The following SLC7A6 variants were observed in gnomAD, a reference collection of about 807,000 sequenced individuals.
The protein encoded by SLC7A6 is solute carrier family 7 member 6.
A neutral mutation model predicts 46.6 loss-of-function variants in SLC7A6; 29 were observed. The observed-to-expected ratio is 0.62, with a 90% CI of 0.46 to 0.85. The LOEUF (loss-of-function observed/expected upper bound fraction) is 0.85, where lower values mean the gene tolerates loss of function less well. Among genes scored for constraint, SLC7A6 ranks in the 40% least tolerant of loss-of-function variants. The probability of loss-of-function intolerance (pLI) is 0.00; values close to 1 mark genes in which losing one functional copy is unlikely to be tolerated. For missense variants in SLC7A6, 527 were observed against 647.6 expected, an observed-to-expected ratio of 0.81 and a Z score of 2.02; for synonymous variants, 276 against 257.3, an observed-to-expected ratio of 1.07 and a Z score of -0.70.
chr16:68,293,551 A>G (rs1476312699), intron 7 of SLC7A6, among the ~76,000 whole-genome samples: 1 of 152,152 alleles, frequency 6.6e-6, no homozygotes, highest in East Asian at 1.9e-4. Context: ...CTGGTGTCAA[A>G]TCCCGTCAGG....
rs2043192845 is a variant in SLC7A6 at position 68,297,435 on chromosome 16, C to T, written c.*107C>T. On this transcript the variant is annotated 3_prime_UTR_variant, in exon 11 of 11. Coordinates refer to ENST00000219343, the MANE Select transcript of SLC7A6 (RefSeq NM_003983.6). Reference sequence around the variant, plus strand: ...CCTGAATTAAAGGAGCCTTTTGACCCAATCATATAGTGGGGCTCAGGGCCA... The same window carrying T: ...CCTGAATTAAAGGAGCCTTTTGACCTAATCATATAGTGGGGCTCAGGGCCA... 1.1e-6 allele frequency: 1 copy of T among 879,338 alleles called. No homozygotes were observed. The highest frequency in any genetic ancestry group is 1.6e-5 in the South Asian group (1 of 62,986). 54.5% of individuals were successfully genotyped at this position (879,338 alleles called of 1,614,324 possible).
At position 68,301,308 on chromosome 16, in the gene SLC7A6, G is replaced by C; in HGVS notation, c.*3980G>C. ...AATCCAGGTCGTGGGGGCTGTCATA[G>C]CCGAACTCCTTCTGCACATCCAGAG... On this transcript the variant is annotated 3_prime_UTR_variant, in exon 11 of 11. Transcript: ENST00000219343. The C allele has an allele frequency of 6.2e-7, 1 of 1,614,150 alleles. No homozygotes were observed.
chr16:68,291,154 T>C (rs2043041965), intron 5 of SLC7A6, 55 bp from the exon 6 acceptor site: 1 of 1,612,242 alleles, frequency 6.2e-7, no homozygotes, highest in Admixed American at 1.7e-5. Flanking sequence ...CTTGATAAAC[T>C]TTGTTCCCAA....
In SLC7A6 at chr16:68,299,433, T is replaced by C. The variant is rs2043230343; in HGVS notation, c.*2105T>C. 6.6e-6 allele frequency: 1 copy of C among 152,632 alleles called. No homozygotes were observed. The highest frequency in any genetic ancestry group is 1.5e-5 in the Non-Finnish European group (1 of 68,054). The allele number at this position is 152,632 out of a possible 1,614,324, so 9.5% of individuals were successfully genotyped here. A position where few individuals can be genotyped will look rare whatever the true frequency, so the allele number is the denominator to read the frequency against. On this transcript the variant is annotated 3_prime_UTR_variant, in exon 11 of 11. Transcript: ENST00000219343. Reference sequence around the variant, plus strand: ...GTGACAGCATTTTTCCCCTCTGTGCTGGATACAGACTTCTCCCAGGATCCT... The same window carrying C: ...GTGACAGCATTTTTCCCCTCTGTGCCGGATACAGACTTCTCCCAGGATCCT...
rs749421722 is a variant in SLC7A6 at position 68,275,221 on chromosome 16, C to T, written c.495C>T (p.Ala165=). The T allele has an allele frequency of 1.2e-6, 2 of 1,612,650 alleles. No individual in the cohort carries two copies. The highest frequency in any genetic ancestry group is 4.5e-5 in the East Asian group (2 of 44,832). ...CCAGCTGTGATCCCCCATACCTGGC[C>T]TGCCGTCTCCTGGCTGCTGCTTGCA... ...SFPSCDPPYL[A]CRLLAAACIC... The change falls in exon 3 of 11, where the codon GCC becomes GCT. Residue 165 remains alanine (A), a synonymous_variant. Coordinates refer to ENST00000219343, the MANE Select transcript of SLC7A6 (RefSeq NM_003983.6).
chr16:68,269,765 A>G (rs1271958957), intron 2 of SLC7A6, among the ~76,000 whole-genome samples: 1 of 151,840 alleles, frequency 6.6e-6, no homozygotes, highest in Non-Finnish European at 1.5e-5. Flanking sequence ...AAAAAAAAAA[A>G]AAGAAAGAAA....
At position 68,284,859 on chromosome 16, in the gene SLC7A6, C is replaced by CTTTTT. The variant is rs71384525; in HGVS notation, c.524-2873_524-2869dup. ...CTGTCTCTTCTGTGTATTTTCTCGT[C>CTTTTT]TTTTTTTTTTTTTTTTTTAGAGACA... On this transcript the variant is annotated intron_variant, in intron 3 of 10. Coordinates refer to ENST00000219343, the MANE Select transcript of SLC7A6 (RefSeq NM_003983.6). Among the ~76,000 whole-genome samples, 28 of 95,598 alleles carry CTTTTT rather than the reference C, an allele frequency of 2.9e-4. 2 individuals carry two copies. Among genetic ancestry groups the CTTTTT allele is most frequent in the African/African-American group, 1.1e-3 (23 of 21,704 alleles). 62.7% of individuals were successfully genotyped at this position (95,598 alleles called of 152,430 possible). A position where few individuals can be genotyped will look rare whatever the true frequency, so the allele number is the denominator to read the frequency against.
At chr16:68,271,809 CTT>C (rs555148108) in intron 2 of SLC7A6, among the ~76,000 whole-genome samples, 1 of 119,936 alleles carries the variant, frequency 8.3e-6, no homozygotes, top group Admixed American at 8.8e-5. Flanking sequence ...TTTTTCTTTT[CTT>C]TTTTTTTTTG....
In SLC7A6 at chr16:68,297,482, C is replaced by A; in HGVS notation, c.*154C>A. ...GCCAGTGCTCACTCTTATTGGTAAGCTATAGGAGACTCAGGATCTGGGCCA... is the reference window on the plus strand; with the variant it reads ...GCCAGTGCTCACTCTTATTGGTAAGATATAGGAGACTCAGGATCTGGGCCA... On this transcript the variant is annotated 3_prime_UTR_variant, in exon 11 of 11. Transcript: ENST00000219343. 2.0e-6 allele frequency: 1 copy of A among 505,914 alleles called. No individual in the cohort carries two copies. The highest frequency in any genetic ancestry group is 3.4e-6 in the Non-Finnish European group (1 of 298,042). 31.3% of individuals were successfully genotyped at this position (505,914 alleles called of 1,614,324 possible).
Position 68,274,983 on chromosome 16 carries a change from T to C in SLC7A6, c.257T>C (p.Ile86Thr), listed in dbSNP as rs1202077382. 3.1e-6 allele frequency: 5 copies of C among 1,614,050 alleles called. No individual in the cohort carries two copies. The highest frequency in any genetic ancestry group is 1.6e-4 in the Middle Eastern group (1 of 6,084). ...SYGMSLIVWA[I>T]GGLFSVVGAL... ...GGGATGTCACTGATTGTGTGGGCCA[T>C]TGGTGGGCTCTTCTCTGTTGTGGGT... Residue 86 changes from isoleucine (I) to threonine (T), a missense_variant, in exon 3 of 11, where the codon ATT becomes ACT. Ile to Thr is a moderately conservative substitution (Grantham distance 89, BLOSUM62 -1). Transcript: ENST00000219343.
intron 2 of SLC7A6, among the ~76,000 whole-genome samples, chr16:68,271,356 G>A (rs182272272): frequency 6.6e-6 from 1 of 152,314 alleles, no homozygotes; most frequent in African/African-American, 2.4e-5. Flanking sequence ...CCAGGCGGGA[G>A]TGCAATGGTG....
rs1340014770 is a variant in SLC7A6, at chr16:68,300,539, A to G, written c.*3211A>G. The G allele has an allele frequency of 3.5e-6, 3 of 866,066 alleles. No individual in the cohort carries two copies. Among genetic ancestry groups the G allele is most frequent in the Non-Finnish European group, 4.2e-6 (3 of 721,196 alleles). 53.6% of individuals were successfully genotyped at this position (866,066 alleles called of 1,614,324 possible). A position where few individuals can be genotyped will look rare whatever the true frequency, so the allele number is the denominator to read the frequency against. ...CTTAAGTCCTTGGTATTTATAATCA[A>G]TGCTGAACCTTCTATTTCACTACCG... On this transcript the variant is annotated 3_prime_UTR_variant, in exon 11 of 11. Transcript: ENST00000219343.
chr16:68,274,258 C>G (rs1397456720), intron 2 of SLC7A6, among the ~76,000 whole-genome samples: 1 of 152,150 alleles, frequency 6.6e-6, no homozygotes, highest in Non-Finnish European at 1.5e-5. Flanking sequence ...GCAGGATTAC[C>G]TGGGTATGGA....
rs933390746 is a variant in SLC7A6, at chr16:68,278,520, G to A, written c.523+3271G>A. Among the ~76,000 whole-genome samples, 6 of 149,886 alleles carry A rather than the reference G, an allele frequency of 4.0e-5. No homozygotes were observed. In the Admixed American group the frequency reaches 4.0e-4, roughly 10 times the overall value. ...TTAGGGAGTGGTGATGACTCTTAAC[G>A]AGCATGCTGCCTTCAAGCATCTGTT... On this transcript the variant is annotated intron_variant, in intron 3 of 10. Transcript: ENST00000219343.
In SLC7A6 at chr16:68,274,964, T is replaced by G. The variant is rs747370149; in HGVS notation, c.238T>G (p.Ser80Ala). Residue 80 changes from serine to alanine, a missense_variant, in exon 3 of 11, where the codon TCA (serine) becomes GCA (alanine). Physicochemically the swap from Ser to Ala is moderately conservative, Grantham distance 99 (BLOSUM62 1). Coordinates refer to ENST00000219343, the MANE Select transcript of SLC7A6 (RefSeq NM_003983.6). ...VLVHTASYGM[S>A]LIVWAIGGLF... ...GGTACACACTGCCTCCTATGGGATG[T>G]CACTGATTGTGTGGGCCATTGGTGG... The G allele has an allele frequency of 6.2e-7, 1 of 1,614,230 alleles. No individual in the cohort carries two copies. Among genetic ancestry groups the G allele is most frequent in the Admixed American group, 1.7e-5 (1 of 60,024 alleles).
chr16:68,294,996 A>G (rs777506212), intron 8 of SLC7A6, 195 bp downstream of exon 8: 6 of 489,470 alleles, frequency 1.2e-5, no homozygotes, highest in Non-Finnish European at 1.8e-5. Context: ...AATTTATATT[A>G]TAGCATAGTA....
chr16:68,301,454 A>C lies in SLC7A6; in HGVS notation c.*4126A>C. 2 of 1,560,332 alleles carry C rather than the reference A, an allele frequency of 1.3e-6. No individual in the cohort carries two copies. The highest frequency in any genetic ancestry group is 1.8e-6 in the Non-Finnish European group (2 of 1,138,762). Reference sequence around the variant, plus strand: ...ATTCTAAATGTGATTTTCCTAGGCTACTGCAGGAGCCCCTTCTCTTCTCAG... The same window carrying C: ...ATTCTAAATGTGATTTTCCTAGGCTCCTGCAGGAGCCCCTTCTCTTCTCAG... On this transcript the variant is annotated 3_prime_UTR_variant, in exon 11 of 11. Coordinates refer to ENST00000219343, the MANE Select transcript of SLC7A6 (RefSeq NM_003983.6).
Position 68,291,256 on chromosome 16 carries a change from T to G in SLC7A6, c.842T>G (p.Ile281Ser), listed in dbSNP as rs749985586. 3.7e-6 allele frequency: 6 copies of G among 1,614,138 alleles called. No homozygotes were observed. The East Asian group carries it at 1.3e-4, about 36-fold the overall frequency. The change falls in exon 6 of 11, where the codon ATC becomes AGC. Residue 281 changes from isoleucine to serine, a missense_variant. Transcript: ENST00000219343. ...ATTTCTATGCCAATTGTGACGCTCA[T>G]CTACATCCTGACCAATGTGGCCTAT... ...IGISMPIVTL[I>S]YILTNVAYYT...
intron 3 of SLC7A6, among the ~76,000 whole-genome samples, chr16:68,277,662 T>A (rs532089375): frequency 6.6e-6 from 1 of 151,350 alleles, no homozygotes; most frequent in African/African-American, 2.4e-5. Flanking sequence ...AGTTTCGCTC[T>A]TGCTGCCCAG....
Sources: allele counts gnomAD v4.1 joint callset (sites outside exome capture counted in the v4.1 genomes callset), GRCh38; gene constraint gnomAD v4.1.1; transcripts MANE v1.5; gene names NCBI Gene and HGNC (gene_info 2026-07-23, HGNC 2026-07-21).